The following NCOR2 variants were observed in gnomAD, a reference collection of about 807,000 sequenced individuals.
NCOR2 encodes the protein nuclear receptor corepressor 2.
In NCOR2, 81 loss-of-function variants were observed where a neutral mutation model predicts 262.9. The ratio of observed to expected loss-of-function variants is 0.31; its 90% CI spans 0.26 to 0.37. The LOEUF (loss-of-function observed/expected upper bound fraction) is 0.37, where lower values mean the gene tolerates loss of function less well. Ranked by LOEUF, NCOR2 falls within the 10% of genes least tolerant of loss-of-function variation. NCOR2 has a pLI of 1.00. For synonymous variants in NCOR2, 1,659 were observed against 1,559.3 expected (o/e 1.06, Z -1.51); for missense variants, 3,385 against 3,621.4 (o/e 0.93, Z 1.68).
At chr12:124,376,070 A>AG (rs1475601537) in intron 18 of NCOR2, among the ~76,000 whole-genome samples, 1 of 152,020 alleles carries the variant, frequency 6.6e-6, no homozygotes, top group Non-Finnish European at 1.5e-5. Context: ...ACCCCATGGG[A>AG]GGGGTTCTCC....
intron 13 of NCOR2, among the ~76,000 whole-genome samples, chr12:124,410,960 G>A (rs1365272008): frequency 1.3e-5 from 2 of 148,574 alleles, no homozygotes; most frequent in Admixed American, 1.3e-4. Flanking sequence ...GAGAGAAAGG[G>A]AGAAAGGTGG....
intron 8 of NCOR2, among the ~76,000 whole-genome samples, chr12:124,431,014 C>T (rs12302589): frequency 6.6e-6 from 1 of 151,886 alleles, no homozygotes; most frequent in Non-Finnish European, 1.5e-5. Context: ...ACATACAAGT[C>T]ACACAGGCAC....
intron 13 of NCOR2, among the ~76,000 whole-genome samples, chr12:124,418,572 C>T (rs1340851560): frequency 1.3e-5 from 2 of 152,208 alleles, no homozygotes; most frequent in Non-Finnish European, 2.9e-5. Context: ...GTCCAACCAG[C>T]CTTGTGGGTG....
At chr12:124,506,021 C>A (rs1654620844) in intron 1 of NCOR2, among the ~76,000 whole-genome samples, 1 of 152,084 alleles carries the variant, frequency 6.6e-6, no homozygotes, top group African/African-American at 2.4e-5. Flanking sequence ...TCCTCGGCCA[C>A]TGGGAAAGCC....
chr12:124,408,959 TTGTCACG>T (rs888274918), intron 13 of NCOR2, among the ~76,000 whole-genome samples: 1 of 152,146 alleles, frequency 6.6e-6, no homozygotes, highest in African/African-American at 2.4e-5. Context: ...CGGCAGCACG[TTGTCACG>T]TGGCACTGGG....
chr12:124,490,840 C>T (rs1208093910), intron 1 of NCOR2, among the ~76,000 whole-genome samples: 6 of 152,248 alleles, frequency 3.9e-5, no homozygotes, highest in East Asian at 1.9e-4. Context: ...CTGGGGTTGG[C>T]GTGACCCTGG....
At chr12:124,348,661 G>A (rs898803603) in intron 28 of NCOR2, 2 of 355,710 alleles carry the variant, frequency 5.6e-6, no homozygotes, top group South Asian at 5.4e-5. Context: ...GTGCCGACAT[G>A]GGGCGTGAAC....
In NCOR2 at chr12:124,362,210, G is replaced by A; in HGVS notation, c.3016C>T (p.Gln1006Ter). 1 of 1,311,566 alleles carries A rather than the reference G, an allele frequency of 7.6e-7. No homozygotes were observed. The highest frequency in any genetic ancestry group is 9.7e-7 in the Non-Finnish European group (1 of 1,029,630). The allele number at this position is 1,311,566 out of a possible 1,614,324, so 81.2% of individuals were successfully genotyped here. A position where few individuals can be genotyped will look rare whatever the true frequency, so the allele number is the denominator to read the frequency against. The change falls in exon 22 of 47, where the codon CAG becomes TAG. Residue 1006 changes from glutamine (Q) to a stop codon, truncating the protein, a stop_gained. Transcript: ENST00000405201. LOFTEE classifies it high-confidence loss of function. ...TGCTGAGGGGCGTCGCTCTCCGGCT[G>A]CAGGTTTTGCGGTGGCGGTGGGGCT...
intron 17 of NCOR2, among the ~76,000 whole-genome samples, chr12:124,382,584 A>C (rs2136094757): frequency 6.6e-6 from 1 of 152,320 alleles, no homozygotes; most frequent in Middle Eastern, 3.4e-3. Flanking sequence ...CTTTGAGTCC[A>C]GCCCTGGATG....
chr12:124,377,834 G>A (rs1408525259), intron 18 of NCOR2, among the ~76,000 whole-genome samples: 7 of 146,372 alleles, frequency 4.8e-5, no homozygotes, highest in East Asian at 2.1e-4. Flanking sequence ...GCAAGACTCC[G>A]TCTGAAAAAA....
chr12:124,510,812 T>C (rs940562372), intron 1 of NCOR2, among the ~76,000 whole-genome samples: 5 of 152,040 alleles, frequency 3.3e-5, no homozygotes, highest in Non-Finnish European at 7.4e-5. Flanking sequence ...CCATGTCCAC[T>C]TGAGAGCCTG....
At chr12:124,452,457 C>T (rs1472686082) in intron 6 of NCOR2, among the ~76,000 whole-genome samples, 2 of 152,252 alleles carry the variant, frequency 1.3e-5, no homozygotes, top group African/African-American at 4.8e-5. Flanking sequence ...GCCCTCAACA[C>T]TCCAGCCTCG....
intron 3 of NCOR2, among the ~76,000 whole-genome samples, chr12:124,477,421 T>C (rs1304038285): frequency 6.6e-6 from 1 of 152,240 alleles, no homozygotes; most frequent in African/African-American, 2.4e-5. Flanking sequence ...AACCTTTTTC[T>C]ATTATAAATT....
chr12:124,451,673 G>A (rs1812730), intron 6 of NCOR2, among the ~76,000 whole-genome samples: 82,268 of 151,992 alleles, frequency 0.54, 23,118 homozygotes, highest in Non-Finnish European at 0.59. Context: ...ATGGTGGGAA[G>A]ATCAGGTACA....
intron 15 of NCOR2, among the ~76,000 whole-genome samples, chr12:124,399,581 G>A (rs1055103963): frequency 1.3e-5 from 2 of 152,138 alleles, no homozygotes; most frequent in South Asian, 2.1e-4. Context: ...TCTGAGCTTC[G>A]AGTGGGCCAT....
At chr12:124,543,850 C>T (rs964746928) in intron 1 of NCOR2, among the ~76,000 whole-genome samples, 1 of 152,240 alleles carries the variant, frequency 6.6e-6, no homozygotes, top group South Asian at 2.1e-4. Context: ...GTCTGTCCAG[C>T]CCCCTCACCC....
chr12:124,334,768 TCC>T, intron 40 of NCOR2, 151 bp from the exon 43 acceptor site: 1 of 574,356 alleles, frequency 1.7e-6, no homozygotes, highest in Non-Finnish European at 3.0e-6. Flanking sequence ...CCTCTGGGCC[TCC>T]GTGTCCCAGT....
Position 124,400,495 on chromosome 12 carries a change from G to A in NCOR2, c.1813+6C>T. 1 of 1,610,244 alleles carries A rather than the reference G, an allele frequency of 6.2e-7. No individual in the cohort carries two copies. Reference sequence around the variant, plus strand: ...TCCCCACCCGCATCCCTGGCCCCCAGCTCACCCAGCTCGGCGCTCTGCTGG... The same window carrying A: ...TCCCCACCCGCATCCCTGGCCCCCAACTCACCCAGCTCGGCGCTCTGCTGG... On this transcript the variant is annotated splice_donor_region_variant and intron_variant, in intron 15 of 46. Transcript: ENST00000405201.
Position 124,379,575 on chromosome 12 carries a change from G to A in NCOR2, c.2020-1191C>T, listed in dbSNP as rs540623981. On this transcript the variant is annotated intron_variant, in intron 17 of 46. Coordinates refer to ENST00000405201, the Ensembl canonical transcript of NCOR2. The stretch of plus-strand genomic sequence containing the variant: ...GGTGCCCACCACAGCCTGGTGTGAC[G>A]GGGGGGCGGCAGCCTGATCCCTCTG... Among the ~76,000 whole-genome samples, 446 of 151,608 alleles carry A rather than the reference G, an allele frequency of 2.9e-3. 1 individual carries two copies. The highest frequency in any genetic ancestry group is 5.0e-3 in the Non-Finnish European group (340 of 67,986).
Sources: allele counts gnomAD v4.1 joint callset (sites outside exome capture counted in the v4.1 genomes callset), GRCh38; gene constraint gnomAD v4.1.1; transcripts MANE v1.5; gene names NCBI Gene and HGNC (gene_info 2026-07-23, HGNC 2026-07-21).